MYO1D: variants seen among roughly 807,000 people sequenced by gnomAD.
MYO1D encodes unconventional myosin-Id.
MYO1D carries 83 observed loss-of-function variants against 122.0 expected under a neutral mutation model. The ratio of observed to expected loss-of-function variants is 0.68; its 90% CI spans 0.57 to 0.82. MYO1D has a LOEUF of 0.82. Among genes scored for constraint, MYO1D ranks in the 40% least tolerant of loss-of-function variants. The pLI is 0.00. For synonymous variants in MYO1D, 464 were observed against 446.9 expected (o/e 1.04, Z -0.48); for missense variants, 1,157 against 1,269.5 (o/e 0.91, Z 1.35).
intron 21 of MYO1D, among the ~76,000 whole-genome samples, chr17:32,496,796 G>A (rs1326104394): frequency 6.6e-6 from 1 of 152,222 alleles, no homozygotes; most frequent in African/African-American, 2.4e-5. Flanking sequence ...AGGGAGTCCA[G>A]ACTCTGCCCT....
At chr17:32,561,470 A>G (rs2087125100) in intron 21 of MYO1D, among the ~76,000 whole-genome samples, 1 of 152,028 alleles carries the variant, frequency 6.6e-6, no homozygotes, top group East Asian at 1.9e-4. Flanking sequence ...CAGGCGGATC[A>G]TGAGGTCAGG....
intron 15 of MYO1D, among the ~76,000 whole-genome samples, chr17:32,717,949 C>T (rs1025824006): frequency 2.0e-5 from 3 of 152,052 alleles, no homozygotes; most frequent in African/African-American, 7.2e-5. Context: ...TCTTGGTGTT[C>T]TTTCCTCTAG....
intron 1 of MYO1D, among the ~76,000 whole-genome samples, chr17:32,819,986 C>T (rs2090646279): frequency 6.6e-6 from 1 of 152,118 alleles, no homozygotes; most frequent in East Asian, 1.9e-4. Flanking sequence ...TTGGTAAGCC[C>T]ACAGGTTGGT....
chr17:32,497,945 CG>C (rs1421322775), intron 21 of MYO1D: 3 of 152,398 alleles, frequency 2.0e-5, no homozygotes, highest in Admixed American at 1.3e-4. Context: ...GGTACTGTCC[CG>C]GGACAGCCAG....
Position 32,711,977 on chromosome 17 carries a change from T to C in MYO1D, c.2121+11A>G. 6.2e-7 allele frequency: 1 copy of C among 1,600,172 alleles called. No individual in the cohort carries two copies. The highest frequency in any genetic ancestry group is 8.5e-7 in the Non-Finnish European group (1 of 1,170,924). On this transcript the variant is annotated intron_variant, in intron 16 of 21. Transcript: ENST00000318217. ...CAAAATCTTATCCTTATATATAAAA[T>C]ATAAAATTACCTTTTGTAGAAAGAG...
intron 21 of MYO1D, among the ~76,000 whole-genome samples, chr17:32,506,965 A>C (rs1357279467): frequency 1.3e-5 from 2 of 152,372 alleles, no homozygotes; most frequent in African/African-American, 4.8e-5. Context: ...CAAGCAACAG[A>C]GTGAGACCCT....
chr17:32,674,050 T>G (rs2088765881), intron 16 of MYO1D, among the ~76,000 whole-genome samples: 2 of 152,226 alleles, frequency 1.3e-5, no homozygotes. Flanking sequence ...AAGTAAGATC[T>G]GATCAAATGC....
At chr17:32,683,881 G>C (rs1156522509) in intron 16 of MYO1D, among the ~76,000 whole-genome samples, 2 of 151,896 alleles carry the variant, frequency 1.3e-5, no homozygotes, top group Non-Finnish European at 2.9e-5. Context: ...TCAGACTGCT[G>C]TGCTAGCAAT....
chr17:32,602,166 T>C (rs7220075), intron 21 of MYO1D, among the ~76,000 whole-genome samples: 5,700 of 152,310 alleles, frequency 0.037, 356 homozygotes, highest in African/African-American at 0.13. Flanking sequence ...TCCTTATCTC[T>C]AGTTAACTTA....
intron 21 of MYO1D, among the ~76,000 whole-genome samples, chr17:32,600,073 T>C (rs996101764): frequency 1.1e-4 from 16 of 152,258 alleles, no homozygotes; most frequent in African/African-American, 3.9e-4. Flanking sequence ...CTTGTACATT[T>C]CCGTCAGTGC....
At chr17:32,590,666 T>C (rs56272837) in intron 21 of MYO1D, among the ~76,000 whole-genome samples, 25,591 of 152,196 alleles carry the variant, frequency 0.17, 2,264 homozygotes, top group Middle Eastern at 0.26. Context: ...ATTATGCTTA[T>C]ATAAACTCCT....
chr17:32,596,924 T>C (rs1163828208), intron 21 of MYO1D, among the ~76,000 whole-genome samples: 1 of 152,190 alleles, frequency 6.6e-6, no homozygotes, highest in Non-Finnish European at 1.5e-5. Context: ...CTGCTGAGAA[T>C]GAAACGCAAA....
chr17:32,871,165 G>A (rs2091175700), intron 1 of MYO1D, among the ~76,000 whole-genome samples: 1 of 152,074 alleles, frequency 6.6e-6, no homozygotes, highest in South Asian at 2.1e-4. Context: ...TCTCAGCTAG[G>A]GATAATATTG....
intron 21 of MYO1D, among the ~76,000 whole-genome samples, chr17:32,570,586 T>C (rs1365797905): frequency 6.6e-6 from 1 of 152,178 alleles, no homozygotes; most frequent in Non-Finnish European, 1.5e-5. Context: ...TCTCCTGACC[T>C]TGTGATCTGC....
At chr17:32,573,571 G>A (rs1380926246) in intron 21 of MYO1D, among the ~76,000 whole-genome samples, 1 of 151,988 alleles carries the variant, frequency 6.6e-6, no homozygotes, top group African/African-American at 2.4e-5. Flanking sequence ...CGAGGCTGGA[G>A]TGCAGTGGTG....
chr17:32,569,339 T>A (rs550288768), intron 21 of MYO1D, among the ~76,000 whole-genome samples: 2 of 152,364 alleles, frequency 1.3e-5, no homozygotes, highest in Admixed American at 1.3e-4. Context: ...CGCTGACTAA[T>A]CGAGGAAGTG....
chr17:32,851,766 G>A (rs2090991622), intron 1 of MYO1D, among the ~76,000 whole-genome samples: 1 of 152,172 alleles, frequency 6.6e-6, no homozygotes, highest in Non-Finnish European at 1.5e-5. Flanking sequence ...GTGTGCACAC[G>A]CACAGTTCGC....
At chr17:32,721,312 A>G (rs1019574701) in intron 14 of MYO1D, 123 bp from the exon 15 acceptor site, 1 of 869,426 alleles carries the variant, frequency 1.2e-6, no homozygotes, top group Non-Finnish European at 1.8e-6. Flanking sequence ...TCTCAGGCAT[A>G]CACTTGTGAA....
chr17:32,623,189 C>A (rs1361858756), intron 20 of MYO1D, among the ~76,000 whole-genome samples: 1 of 152,108 alleles, frequency 6.6e-6, no homozygotes, highest in Non-Finnish European at 1.5e-5. Context: ...ACTAGATATA[C>A]CTCTAACCAT....
Sources: gnomAD v4.1 joint callset for allele counts (sites outside exome capture counted in the v4.1 genomes callset) on GRCh38, gnomAD v4.1.1 for gene constraint, MANE v1.5 for transcripts, NCBI Gene and HGNC (gene_info 2026-07-23, HGNC 2026-07-21) for gene names.